The following RBMS3 variants were observed in gnomAD, a reference collection of about 807,000 sequenced individuals.
RBMS3 encodes RNA-binding motif, single-stranded-interacting protein 3.
RBMS3 carries 27 observed loss-of-function variants against 66.8 expected under a neutral mutation model. The observed-to-expected ratio is 0.40, with a 90% CI of 0.30 to 0.56. RBMS3 has a LOEUF of 0.56. Among genes scored for constraint, RBMS3 ranks in the 20% least tolerant of loss-of-function variants. The pLI is 0.40. For missense variants in RBMS3, 513 were observed against 549.5 expected (o/e 0.93, Z 0.66); for synonymous variants, 188 against 183.0 (o/e 1.03, Z -0.22).
chr3:29,615,294 T>A (rs1215074456), intron 4 of RBMS3: 1 of 152,220 alleles, frequency 6.6e-6, no homozygotes, highest in African/African-American at 2.4e-5. Flanking sequence ...GAGCTGCTCA[T>A]GTCTTAGAAT....
chr3:29,900,400 T>A (rs1051848597), intron 10 of RBMS3, among the ~76,000 whole-genome samples: 1 of 151,836 alleles, frequency 6.6e-6, no homozygotes, highest in African/African-American at 2.4e-5. Context: ...TTCTCTTTTT[T>A]ACTTGCTAGA....
intron 11 of RBMS3, among the ~76,000 whole-genome samples, chr3:29,942,278 G>T (rs543265067): frequency 3.9e-4 from 59 of 151,792 alleles, no homozygotes; most frequent in African/African-American, 1.4e-3. Context: ...CAGCACTTTG[G>T]GAAGCTGAGG....
intron 12 of RBMS3, among the ~76,000 whole-genome samples, chr3:29,970,539 G>C (rs1318427108): frequency 1.3e-5 from 2 of 151,820 alleles, no homozygotes; most frequent in East Asian, 1.9e-4. Context: ...ATTAAGATTT[G>C]TCCTTTTGAG....
intron 1 of RBMS3, among the ~76,000 whole-genome samples, chr3:29,331,464 GC>G (rs1321028723): frequency 1.3e-5 from 2 of 152,040 alleles, no homozygotes; most frequent in Admixed American, 1.3e-4. Flanking sequence ...AAGTACTCTT[GC>G]TTGCCTTATT....
intron 12 of RBMS3, among the ~76,000 whole-genome samples, chr3:29,946,379 G>A (rs998849518): frequency 1.3e-5 from 2 of 151,538 alleles, no homozygotes; most frequent in African/African-American, 4.8e-5. Context: ...TTAATTGATT[G>A]TAGTCGAGAT....
At chr3:29,394,747 C>T (rs2039468052) in intron 1 of RBMS3, among the ~76,000 whole-genome samples, 1 of 152,178 alleles carries the variant, frequency 6.6e-6, no homozygotes, top group Non-Finnish European at 1.5e-5. Flanking sequence ...TCACAGTGGC[C>T]TCTAAGGCCC....
intron 4 of RBMS3, among the ~76,000 whole-genome samples, chr3:29,682,162 T>C (rs1282048705): frequency 1.3e-5 from 2 of 152,200 alleles, no homozygotes; most frequent in African/African-American, 4.8e-5. Context: ...GTTTGTTTGT[T>C]TTGAGTCGGA....
chr3:29,622,034 A>G (rs2048884948), intron 4 of RBMS3, among the ~76,000 whole-genome samples: 1 of 152,206 alleles, frequency 6.6e-6, no homozygotes, highest in African/African-American at 2.4e-5. Flanking sequence ...ATAAGACCAT[A>G]GTGCCTTCAT....
intron 3 of RBMS3, among the ~76,000 whole-genome samples, chr3:29,519,347 C>T (rs1223002465): frequency 6.6e-6 from 1 of 152,130 alleles, no homozygotes; most frequent in Non-Finnish European, 1.5e-5. Flanking sequence ...GGCACATTGA[C>T]TCCGTTGGGT....
intron 1 of RBMS3, among the ~76,000 whole-genome samples, chr3:29,307,014 AAC>A (rs1443784154): frequency 6.6e-6 from 1 of 151,976 alleles, no homozygotes; most frequent in Admixed American, 6.6e-5. Flanking sequence ...TTAATGAAAA[AAC>A]ACACAATTAA....
rs557613800 is a variant in RBMS3, at chr3:29,341,850, A to AT, written c.75+60100dup. Among the ~76,000 whole-genome samples, 190 of 152,310 alleles carry AT rather than the reference A, an allele frequency of 1.2e-3. 1 individual carries two copies. The highest frequency in any genetic ancestry group is 5.6e-3 in the South Asian group (27 of 4,824). Reference sequence around the variant, plus strand: ...CAAACAAGGAAGACAAACTAAAGTCATTTTTTATTCTGAAAATGTAGAACT... The same window carrying AT: ...CAAACAAGGAAGACAAACTAAAGTCATTTTTTTATTCTGAAAATGTAGAACT... On this transcript the variant is annotated intron_variant, in intron 1 of 14. Coordinates refer to ENST00000383767, the MANE Select transcript of RBMS3 (RefSeq NM_001003793.3).
At chr3:29,984,484 G>A (rs919716723) in intron 12 of RBMS3, among the ~76,000 whole-genome samples, 1 of 151,938 alleles carries the variant, frequency 6.6e-6, no homozygotes, top group African/African-American at 2.4e-5. Flanking sequence ...CTTTCAAGGA[G>A]AAGAGGCATT....
chr3:29,695,724 TTTGA>T (rs754988734), intron 4 of RBMS3, among the ~76,000 whole-genome samples: 1 of 152,188 alleles, frequency 6.6e-6, no homozygotes, highest in Non-Finnish European at 1.5e-5. Flanking sequence ...AGCATTTTCT[TTTGA>T]TTGTTAGGAA....
chr3:29,827,765 A>G (rs2058247512), intron 6 of RBMS3, among the ~76,000 whole-genome samples: 1 of 152,198 alleles, frequency 6.6e-6, no homozygotes, highest in African/African-American at 2.4e-5. Context: ...AAAACAATGA[A>G]TGAATCCAAA....
intron 1 of RBMS3, among the ~76,000 whole-genome samples, chr3:29,368,283 C>G (rs894313287): frequency 6.6e-6 from 1 of 152,098 alleles, no homozygotes; most frequent in Non-Finnish European, 1.5e-5. Context: ...TGTGAACTAG[C>G]AAATCCTATT....
chr3:29,568,544 T>G (rs1348876985), intron 3 of RBMS3, among the ~76,000 whole-genome samples: 2 of 151,982 alleles, frequency 1.3e-5, no homozygotes, highest in Admixed American at 6.6e-5. Context: ...TTAAATGCAC[T>G]TAAATTTATT....
chr3:29,355,876 C>T (rs2037196897), intron 1 of RBMS3, among the ~76,000 whole-genome samples: 1 of 152,114 alleles, frequency 6.6e-6, no homozygotes, highest in African/African-American at 2.4e-5. Context: ...TAATTACTAA[C>T]CCAATCAAGA....
At chr3:29,995,337 T>C (rs1699150500) in intron 14 of RBMS3, among the ~76,000 whole-genome samples, 2 of 152,250 alleles carry the variant, frequency 1.3e-5, no homozygotes, top group African/African-American at 4.8e-5. Flanking sequence ...TGGAAAACAC[T>C]CTGCAGGATA....
chr3:29,378,666 A>G (rs1011343502), intron 1 of RBMS3, among the ~76,000 whole-genome samples: 1 of 152,204 alleles, frequency 6.6e-6, no homozygotes, highest in African/African-American at 2.4e-5. Context: ...ATCCAAGTGC[A>G]TATGTTCAGA....
Sources: allele counts gnomAD v4.1 joint callset (sites outside exome capture counted in the v4.1 genomes callset), GRCh38; gene constraint gnomAD v4.1.1; transcripts MANE v1.5; gene names NCBI Gene and HGNC (gene_info 2026-07-23, HGNC 2026-07-21).